DNAH8: variants seen among roughly 807,000 people sequenced by gnomAD.
The protein encoded by DNAH8 is axonemal beta dynein heavy chain 8.
A neutral mutation model predicts 562.1 loss-of-function variants in DNAH8; 382 were observed. The ratio of observed to expected loss-of-function variants is 0.68; its 90% CI spans 0.63 to 0.74. DNAH8 has a LOEUF of 0.74. Among genes scored for constraint, DNAH8 ranks in the 30% least tolerant of loss-of-function variants. The pLI, the probability that DNAH8 is intolerant of heterozygous loss-of-function variation, is 0.00. For synonymous variants in DNAH8, 1,881 were observed against 1,919.4 expected, an observed-to-expected ratio of 0.98 and a Z score of 0.52; for missense variants, 5,203 against 5,620.4, an observed-to-expected ratio of 0.93 and a Z score of 2.37.
chr6:38,917,060 C>T (rs1226497736), intron 68 of DNAH8, among the ~76,000 whole-genome samples, 179 bp from the exon 69 acceptor site: 1 of 152,108 alleles, frequency 6.6e-6, no homozygotes, highest in Non-Finnish European at 1.5e-5. Context: ...AAGAAGAATA[C>T]ATACAAATAA....
At chr6:39,014,009 C>T (rs1402707729) in intron 91 of DNAH8, among the ~76,000 whole-genome samples, 1 of 151,766 alleles carries the variant, frequency 6.6e-6, no homozygotes, top group Non-Finnish European at 1.5e-5. Context: ...ATGATTTGTG[C>T]AGGGTTTTTT....
intron 35 of DNAH8, among the ~76,000 whole-genome samples, chr6:38,845,082 A>G (rs541198348): frequency 1.6e-4 from 24 of 152,300 alleles, no homozygotes; most frequent in Admixed American, 1.2e-3. Context: ...TTCTCAAAAA[A>G]AAAATATAGA....
rs115540310 is a variant in DNAH8, at chr6:39,026,881, G to A, written c.13836+214G>A. On this transcript the variant is annotated intron_variant, in intron 92 of 92. Transcript: ENST00000327475. ...AGGTCTAATGAGCTCTTAGAACTCC[G>A]TAGACTACATTTCTACAAAATTACA... 4.0e-3 allele frequency among the ~76,000 whole-genome samples: 602 copies of A among 152,336 alleles called. 2 individuals carry two copies. The highest frequency in any genetic ancestry group is 0.012 in the African/African-American group (512 of 41,578).
At chr6:38,999,918 T>TACAC (rs1276669982) in intron 88 of DNAH8, among the ~76,000 whole-genome samples, 1 of 68,266 alleles carries the variant, frequency 1.5e-5, no homozygotes. Context: ...AAGGCATTTA[T>TACAC]ACACACACAC....
chr6:38,887,515 T>C (rs1779020657), intron 57 of DNAH8, among the ~76,000 whole-genome samples: 1 of 152,168 alleles, frequency 6.6e-6, no homozygotes, highest in African/African-American at 2.4e-5. Flanking sequence ...AAGAGCAGCC[T>C]GGGCTCATAG....
intron 60 of DNAH8, 29 bp from the exon 61 acceptor site, chr6:38,898,229 T>C: frequency 6.4e-7 from 1 of 1,560,208 alleles, no homozygotes; most frequent in Non-Finnish European, 8.6e-7. Flanking sequence ...TCTTAAATAT[T>C]ATTTTTTTAT....
At chr6:38,826,076 T>A in intron 28 of DNAH8, 80 bp from the exon 29 acceptor site, 1 of 909,840 alleles carries the variant, frequency 1.1e-6, no homozygotes, top group Non-Finnish European at 1.7e-6. Context: ...ACTACTGAAT[T>A]GGACAGAGCA....
chr6:38,932,584 A>C (rs947620805), intron 76 of DNAH8, among the ~76,000 whole-genome samples: 4 of 152,234 alleles, frequency 2.6e-5, no homozygotes, highest in African/African-American at 9.6e-5. Flanking sequence ...ATAAAATATA[A>C]TTGCATAAAA....
chr6:39,014,349 C>T (rs1766427302), intron 91 of DNAH8, among the ~76,000 whole-genome samples: 1 of 152,082 alleles, frequency 6.6e-6, no homozygotes, highest in South Asian at 2.1e-4. Flanking sequence ...CCGTATGAGC[C>T]TCAATTTGAG....
intron 76 of DNAH8, among the ~76,000 whole-genome samples, chr6:38,934,888 A>G (rs2150584530): frequency 6.6e-6 from 1 of 152,364 alleles, no homozygotes; most frequent in South Asian, 2.1e-4. Context: ...ATATAGTGAT[A>G]AAGCAAAATG....
chr6:38,982,684 G>T (rs79910731), intron 86 of DNAH8, among the ~76,000 whole-genome samples: 1 of 152,042 alleles, frequency 6.6e-6, no homozygotes, highest in South Asian at 2.1e-4. Context: ...GCAAAATACC[G>T]CAGCCTTCCT....
At chr6:38,772,903 C>T (rs144212190) in intron 12 of DNAH8, among the ~76,000 whole-genome samples, 4,437 of 150,984 alleles carry the variant, frequency 0.029, 227 homozygotes, top group African/African-American at 0.1. Context: ...CTCACTTCAG[C>T]CTTGAACTCC....
At chr6:38,897,085 T>C (rs1420142819) in intron 60 of DNAH8, among the ~76,000 whole-genome samples, 1 of 152,176 alleles carries the variant, frequency 6.6e-6, no homozygotes, top group African/African-American at 2.4e-5. Context: ...AGGCTGGTTT[T>C]GAACTTCTGA....
chr6:38,864,136 T>G, intron 45 of DNAH8, 76 bp downstream of exon 45: 1 of 1,353,688 alleles, frequency 7.4e-7, no homozygotes, highest in East Asian at 2.4e-5. Flanking sequence ...CATGTGTTAA[T>G]GGGTAGATGA....
Position 38,921,536 on chromosome 6 carries a change from T to C in DNAH8, c.10662+30T>C, listed in dbSNP as rs113228093. On this transcript the variant is annotated intron_variant, in intron 71 of 92. Coordinates refer to ENST00000327475, the MANE Select transcript of DNAH8 (RefSeq NM_001206927.2). Reference sequence around the variant, plus strand: ...GATTAAACATAAAAAATCCCCAAAATGGTGTACTGAAACTTTACACAAGAG... The same window carrying C: ...GATTAAACATAAAAAATCCCCAAAACGGTGTACTGAAACTTTACACAAGAG... The C allele has an allele frequency of 3.9e-3, 6,190 of 1,603,322 alleles. 89 individuals are homozygous for C. Among genetic ancestry groups the C allele is most frequent in the African/African-American group, 0.038 (2,850 of 74,484 alleles).
intron 5 of DNAH8, among the ~76,000 whole-genome samples, chr6:38,735,978 AAT>A (rs1195890374): frequency 1.3e-5 from 2 of 152,042 alleles, no homozygotes; most frequent in East Asian, 3.9e-4. Context: ...TCTCTACTAA[AAT>A]ACAAAAAATC....
chr6:38,991,587 C>T (rs1222552326), intron 88 of DNAH8, among the ~76,000 whole-genome samples: 5 of 152,122 alleles, frequency 3.3e-5, no homozygotes, highest in Admixed American at 6.5e-5. Flanking sequence ...GGTCAAAGAC[C>T]GACAGTGACC....
chr6:38,937,988 G>A lies in DNAH8; in HGVS notation c.11578G>A (p.Asp3860Asn). 2 of 1,613,482 alleles carry A rather than the reference G, an allele frequency of 1.2e-6. No homozygotes were observed. Among genetic ancestry groups the A allele is most frequent in the Non-Finnish European group, 1.7e-6 (2 of 1,179,888 alleles). ...TTGAATTTCAGGCTCATTGGTAGAT[G>A]ACGAATCTCTCATTGGTGTACTTCG... ...LSATKGSLVDDESLIGVLRTT... is the reference protein window; with the variant it reads ...LSATKGSLVDNESLIGVLRTT... Residue 3860 changes from aspartate (D) to asparagine (N), a missense_variant, in exon 78 of 93, where the codon GAC becomes AAC. Asp to Asn is a conservative substitution (Grantham distance 23). Transcript: ENST00000327475.
rs572152187 is a variant in DNAH8, at chr6:38,759,254, G to A, written c.1516-2448G>A. Among the ~76,000 whole-genome samples, 14 of 152,214 alleles carry A rather than the reference G, an allele frequency of 9.2e-5. No individual in the cohort carries two copies. In the South Asian group the frequency reaches 2.7e-3, roughly 29 times the overall value. ...GCCTGGGAGTTCAAGAATGCAGTAA[G>A]CTGTGATAACACCATGGCACTCCAG... On this transcript the variant is annotated intron_variant, in intron 10 of 92. Transcript: ENST00000327475.
Sources: gnomAD v4.1 joint callset for allele counts (sites outside exome capture counted in the v4.1 genomes callset) on GRCh38, gnomAD v4.1.1 for gene constraint, MANE v1.5 for transcripts, NCBI Gene and HGNC (gene_info 2026-07-23, HGNC 2026-07-21) for gene names.